Variants in ADAMTSL1 observed in about 807,000 individuals in gnomAD.
ADAMTSL1 encodes the protein ADAMTS-like protein 1.
In ADAMTSL1, 126 loss-of-function variants were observed where a neutral mutation model predicts 201.8. That is an observed-to-expected ratio of 0.62 (90% CI 0.54 to 0.72). The LOEUF (loss-of-function observed/expected upper bound fraction) is 0.72. Among genes scored for constraint, ADAMTSL1 ranks in the 30% least tolerant of loss-of-function variants. ADAMTSL1 has a pLI of 0.00. For synonymous variants in ADAMTSL1, 1,121 were observed against 903.4 expected, an observed-to-expected ratio of 1.24 and a Z score of -4.32; for missense variants, 2,679 against 2,277.8, an observed-to-expected ratio of 1.18 and a Z score of -3.59.
chr9:18,224,930 A>C (rs1474883155), intron 2 of ADAMTSL1, among the ~76,000 whole-genome samples: 1 of 151,646 alleles, frequency 6.6e-6, no homozygotes, highest in Non-Finnish European at 1.5e-5. Flanking sequence ...ATTTTTTCCC[A>C]TTTTTTTCCA....
chr9:18,463,176 C>T (rs550775477), intron 2 of ADAMTSL1, among the ~76,000 whole-genome samples: 59 of 152,154 alleles, frequency 3.9e-4, no homozygotes, highest in African/African-American at 1.4e-3. Flanking sequence ...ATTGGTAAAG[C>T]TTGTGTCTTT....
rs182077077 is a variant in ADAMTSL1 at position 18,659,831 on chromosome 9, G to A, written c.946+2081G>A. ...AAAATGAACTGTCAATTACTTTGAT[G>A]TTCCATGGGAATACATTATTTTGAT... On this transcript the variant is annotated intron_variant, in intron 8 of 28. Coordinates refer to ENST00000380548, the MANE Select transcript of ADAMTSL1 (RefSeq NM_001040272.6). Among the ~76,000 whole-genome samples, 5 of 152,120 alleles carry A rather than the reference G, an allele frequency of 3.3e-5. 1 individual carries two copies. Among genetic ancestry groups the A allele is most frequent in the African/African-American group, 1.2e-4 (5 of 41,500 alleles).
intron 1 of ADAMTSL1, among the ~76,000 whole-genome samples, chr9:18,144,996 CCAAA>C (rs1826570958): frequency 6.6e-6 from 1 of 152,178 alleles, no homozygotes; most frequent in African/African-American, 2.4e-5. Context: ...ATAGAAGTGT[CCAAA>C]CAGAGATTGT....
intron 2 of ADAMTSL1, among the ~76,000 whole-genome samples, chr9:18,306,184 G>A (rs1299917906): frequency 2.6e-5 from 4 of 152,118 alleles, no homozygotes; most frequent in East Asian, 1.9e-4. Context: ...AACCACATCC[G>A]AAGATCACCA....
intron 2 of ADAMTSL1, among the ~76,000 whole-genome samples, chr9:18,329,191 A>G (rs1834940236): frequency 6.6e-6 from 1 of 152,036 alleles, no homozygotes; most frequent in Non-Finnish European, 1.5e-5. Flanking sequence ...CAGTGAGAAG[A>G]TGGCCATCTA....
At chr9:18,884,590 T>G (rs1291823108) in intron 23 of ADAMTSL1, among the ~76,000 whole-genome samples, 1 of 152,218 alleles carries the variant, frequency 6.6e-6, no homozygotes. Flanking sequence ...AATTTTTATA[T>G]ATAGTGTAAG....
At chr9:18,068,518 G>C (rs1822810754) in intron 1 of ADAMTSL1, among the ~76,000 whole-genome samples, 1 of 151,954 alleles carries the variant, frequency 6.6e-6, no homozygotes, top group African/African-American at 2.4e-5. Flanking sequence ...TGGGGTTCTA[G>C]AACCAATCCT....
At chr9:18,523,457 T>C (rs1451216125) in intron 2 of ADAMTSL1, among the ~76,000 whole-genome samples, 1 of 152,226 alleles carries the variant, frequency 6.6e-6, no homozygotes, top group African/African-American at 2.4e-5. Flanking sequence ...TAGATCCCAT[T>C]TGTCAGTTCT....
At chr9:18,515,827 A>G (rs1369825440) in intron 2 of ADAMTSL1, among the ~76,000 whole-genome samples, 3 of 152,184 alleles carry the variant, frequency 2.0e-5, no homozygotes, top group Admixed American at 6.5e-5. Context: ...TGCCCAAAGT[A>G]TTAAATGAAC....
intron 7 of ADAMTSL1, chr9:18,651,041 T>G (rs988666101): frequency 8.5e-5 from 13 of 152,238 alleles, no homozygotes; most frequent in African/African-American, 3.1e-4. Flanking sequence ...CTATACTCTA[T>G]CTAAACAACA....
chr9:18,633,520 C>T (rs1008498832), intron 5 of ADAMTSL1, among the ~76,000 whole-genome samples: 4 of 151,730 alleles, frequency 2.6e-5, no homozygotes, highest in African/African-American at 4.8e-5. Flanking sequence ...ACCCAGGGGG[C>T]GGAGGTTGCA....
intron 2 of ADAMTSL1, among the ~76,000 whole-genome samples, chr9:18,345,409 A>C (rs1467691132): frequency 8.7e-6 from 1 of 115,074 alleles, no homozygotes; most frequent in Non-Finnish European, 2.0e-5. Context: ...CCTCTATTTC[A>C]GAAAAAATTG....
intron 1 of ADAMTSL1, among the ~76,000 whole-genome samples, chr9:18,503,442 C>T (rs931077539): frequency 9.0e-4 from 58 of 64,766 alleles, no homozygotes; most frequent in South Asian, 1.7e-3. Context: ...TATATATATA[C>T]CACATTTTGT....
At chr9:18,679,832 TA>T (rs5896797) in intron 10 of ADAMTSL1, among the ~76,000 whole-genome samples, 3 of 151,694 alleles carry the variant, frequency 2.0e-5, no homozygotes, top group African/African-American at 7.3e-5. Flanking sequence ...CTTCTTCTAT[TA>T]AAAAAAATAC....
chr9:18,762,186 T>A (rs1487072904), intron 16 of ADAMTSL1, among the ~76,000 whole-genome samples: 1 of 152,110 alleles, frequency 6.6e-6, no homozygotes, highest in Non-Finnish European at 1.5e-5. Context: ...AGACTCATAA[T>A]CCTGTGTGCA....
chr9:18,694,514 A>C (rs1459562610), intron 13 of ADAMTSL1, among the ~76,000 whole-genome samples: 1 of 152,206 alleles, frequency 6.6e-6, no homozygotes, highest in Non-Finnish European at 1.5e-5. Flanking sequence ...AAATTAGCCC[A>C]AACAAAGGGG....
At chr9:18,165,480 G>T (rs1216067449) in intron 2 of ADAMTSL1, among the ~76,000 whole-genome samples, 1 of 151,754 alleles carries the variant, frequency 6.6e-6, no homozygotes, top group African/African-American at 2.4e-5. Context: ...ATATTACATT[G>T]ATTTCCATTA....
At chr9:18,424,119 A>G (rs973692190) in intron 2 of ADAMTSL1, among the ~76,000 whole-genome samples, 2 of 152,224 alleles carry the variant, frequency 1.3e-5, no homozygotes, top group African/African-American at 4.8e-5. Flanking sequence ...AATAAGATCA[A>G]TTTCCCTCTG....
At chr9:18,254,401 C>T (rs1302124096) in intron 2 of ADAMTSL1, among the ~76,000 whole-genome samples, 1 of 125,448 alleles carries the variant, frequency 8.0e-6, no homozygotes, top group Non-Finnish European at 1.6e-5. Context: ...CTCGCTCTGT[C>T]CCCCAGGCTG....
Sources: allele counts gnomAD v4.1 joint callset (sites outside exome capture counted in the v4.1 genomes callset), GRCh38; gene constraint gnomAD v4.1.1; transcripts MANE v1.5; gene names NCBI Gene and HGNC (gene_info 2026-07-23, HGNC 2026-07-21).